The following AK5 variants were observed in gnomAD, a reference collection of about 807,000 sequenced individuals.
The protein encoded by AK5 is adenylate kinase isoenzyme 5.
A neutral mutation model predicts 69.5 loss-of-function variants in AK5; 27 were observed. The observed-to-expected ratio is 0.39, with a 90% CI of 0.29 to 0.54. The LOEUF (loss-of-function observed/expected upper bound fraction) is 0.54, where lower values mean the gene tolerates loss of function less well. Among genes scored for constraint, AK5 ranks in the 20% least tolerant of loss-of-function variants. AK5 has a pLI of 0.71. For synonymous variants in AK5, 260 were observed against 244.4 expected (o/e 1.06, Z -0.60); for missense variants, 531 against 700.4 (o/e 0.76, Z 2.73).
chr1:77,412,172 T>C (rs1453007772), intron 7 of AK5, among the ~76,000 whole-genome samples: 1 of 152,200 alleles, frequency 6.6e-6, no homozygotes, highest in African/African-American at 2.4e-5. Context: ...CCACCCCTTC[T>C]TTGGGACACC....
chr1:77,308,264 C>T (rs1176871880), intron 5 of AK5, among the ~76,000 whole-genome samples: 1 of 151,990 alleles, frequency 6.6e-6, no homozygotes. Context: ...TCCCAGTCCC[C>T]AGGCCTGTCA....
intron 10 of AK5, among the ~76,000 whole-genome samples, chr1:77,499,268 TG>T: frequency 6.6e-6 from 1 of 152,268 alleles, no homozygotes; most frequent in South Asian, 2.1e-4. Flanking sequence ...AACCTTCAGG[TG>T]GTTAAGGCAA....
intron 1 of AK5, among the ~76,000 whole-genome samples, chr1:77,283,889 TG>T (rs1263771327): frequency 3.3e-5 from 5 of 152,362 alleles, no homozygotes; most frequent in Non-Finnish European, 7.3e-5. Context: ...ACCACGTGAT[TG>T]CAAAAATTCC....
rs1650527270 is a variant in AK5 at position 77,417,733 on chromosome 1, A to T, written c.1059+18A>T. Reference sequence around the variant, plus strand: ...AAGATCAGGTAATTAAAATCTGAAAATAGTTCTCTATTTAAATGTTTTTAA... The same window carrying T: ...AAGATCAGGTAATTAAAATCTGAAATTAGTTCTCTATTTAAATGTTTTTAA... On this transcript the variant is annotated intron_variant, in intron 8 of 13. Coordinates refer to ENST00000354567, the MANE Select transcript of AK5 (RefSeq NM_174858.3). 2.8e-6 allele frequency: 4 copies of T among 1,445,294 alleles called. No homozygotes were observed. The African/African-American group carries it at 5.6e-5, about 20-fold the overall frequency. 89.5% of individuals were successfully genotyped at this position (1,445,294 alleles called of 1,614,324 possible).
At chr1:77,513,869 G>C (rs2100297825) in intron 10 of AK5, among the ~76,000 whole-genome samples, 2 of 152,284 alleles carry the variant, frequency 1.3e-5, no homozygotes, top group South Asian at 4.1e-4. Flanking sequence ...AAGCAAACTG[G>C]AAAACGTGAC....
chr1:77,417,821 T>C, intron 8 of AK5, 106 bp downstream of exon 8: 1 of 652,738 alleles, frequency 1.5e-6, no homozygotes, highest in Non-Finnish European at 2.6e-6. Context: ...GTGAAATATA[T>C]ACAGATAACT....
At chr1:77,514,361 C>T (rs962791061) in intron 10 of AK5, among the ~76,000 whole-genome samples, 1 of 152,136 alleles carries the variant, frequency 6.6e-6, no homozygotes, top group African/African-American at 2.4e-5. Context: ...TTCTGAGATG[C>T]GGTTCCTCAA....
At chr1:77,475,675 C>T (rs1654897347) in intron 8 of AK5, among the ~76,000 whole-genome samples, 1 of 150,772 alleles carries the variant, frequency 6.6e-6, no homozygotes, top group African/African-American at 2.4e-5. Flanking sequence ...CTCAGCTTTG[C>T]CATTTTATTT....
intron 12 of AK5, among the ~76,000 whole-genome samples, chr1:77,531,257 T>C (rs1172713432): frequency 6.6e-6 from 1 of 152,114 alleles, no homozygotes; most frequent in Non-Finnish European, 1.5e-5. Context: ...GAGTGAGCAG[T>C]AGCAAGATTT....
chr1:77,534,581 A>G (rs1334555874), intron 12 of AK5, among the ~76,000 whole-genome samples: 1 of 152,196 alleles, frequency 6.6e-6, no homozygotes, highest in African/African-American at 2.4e-5. Flanking sequence ...CAATCCTATG[A>G]TCATCCTCAT....
chr1:77,403,028 T>G (rs1471788483), intron 6 of AK5, among the ~76,000 whole-genome samples: 5,690 of 151,776 alleles, frequency 0.037, 167 homozygotes, highest in South Asian at 0.08. Context: ...GTTTTGATTT[T>G]CATTTCTCTG....
intron 8 of AK5, among the ~76,000 whole-genome samples, chr1:77,443,766 A>G (rs1570138872): frequency 1.3e-5 from 2 of 151,858 alleles, no homozygotes; most frequent in East Asian, 3.9e-4. Flanking sequence ...CTAAATCAAG[A>G]AAAATATTTT....
intron 8 of AK5, among the ~76,000 whole-genome samples, chr1:77,469,814 T>C (rs1654354606): frequency 6.6e-6 from 1 of 152,204 alleles, no homozygotes; most frequent in Non-Finnish European, 1.5e-5. Flanking sequence ...TGTAACCTCT[T>C]CCTCATTCTA....
At chr1:77,350,998 A>C (rs1189326545) in intron 6 of AK5, among the ~76,000 whole-genome samples, 1 of 152,238 alleles carries the variant, frequency 6.6e-6, no homozygotes, top group Non-Finnish European at 1.5e-5. Context: ...TTTTCATGGC[A>C]GACAGCCCTG....
At chr1:77,356,835 T>C (rs1662553432) in intron 6 of AK5, among the ~76,000 whole-genome samples, 1 of 152,208 alleles carries the variant, frequency 6.6e-6, no homozygotes, top group South Asian at 2.1e-4. Flanking sequence ...AATCCAGTGG[T>C]ATTTTTAAAA....
intron 8 of AK5, among the ~76,000 whole-genome samples, chr1:77,436,785 C>T (rs1283346210): frequency 6.6e-6 from 1 of 151,996 alleles, no homozygotes; most frequent in Non-Finnish European, 1.5e-5. Context: ...TTAGACAAGG[C>T]TAGTAATTAT....
At chr1:77,536,116 G>A in intron 13 of AK5, 78 bp downstream of exon 13, 1 of 1,436,276 alleles carries the variant, frequency 7.0e-7, no homozygotes, top group Middle Eastern at 2.2e-4. Context: ...AAAAAGCTGA[G>A]AACATTTTAG....
intron 10 of AK5, among the ~76,000 whole-genome samples, chr1:77,511,515 G>A (rs1318611275): frequency 4.6e-5 from 7 of 152,222 alleles, no homozygotes; most frequent in Non-Finnish European, 8.8e-5. Context: ...TGTTAAGAGT[G>A]AGAGGAATGA....
At chr1:77,537,351 G>A (rs1273387865) in intron 13 of AK5, among the ~76,000 whole-genome samples, 1 of 152,094 alleles carries the variant, frequency 6.6e-6, no homozygotes, top group East Asian at 1.9e-4. Flanking sequence ...GGAGAGGCAA[G>A]CAAGGACTAG....
Sources: gnomAD v4.1 joint callset for allele counts (sites outside exome capture counted in the v4.1 genomes callset) on GRCh38, gnomAD v4.1.1 for gene constraint, MANE v1.5 for transcripts, NCBI Gene and HGNC (gene_info 2026-07-23, HGNC 2026-07-21) for gene names.